RSPO2: variants seen among roughly 807,000 people sequenced by gnomAD.
The protein encoded by RSPO2 is R-spondin 2.
Under a neutral mutation model 30.9 loss-of-function variants are expected in RSPO2, and 14 were observed. That is an observed-to-expected ratio of 0.45 (90% CI 0.30 to 0.71). The LOEUF (loss-of-function observed/expected upper bound fraction) is 0.71, where lower values mean the gene tolerates loss of function less well. RSPO2 is among the 30% of genes least tolerant of loss of function. RSPO2 has a pLI of 0.08. For missense variants in RSPO2, 264 were observed against 301.9 expected, an observed-to-expected ratio of 0.87 and a Z score of 0.93; for synonymous variants, 107 against 96.4, an observed-to-expected ratio of 1.11 and a Z score of -0.64.
chr8:107,973,877 A>G (rs1814109359), intron 3 of RSPO2, among the ~76,000 whole-genome samples: 1 of 152,264 alleles, frequency 6.6e-6, no homozygotes, highest in Non-Finnish European at 1.5e-5. Flanking sequence ...CGCAGATTCT[A>G]CTGTAACTTG....
intron 2 of RSPO2, among the ~76,000 whole-genome samples, chr8:108,071,754 G>A (rs540292420): frequency 2.0e-5 from 3 of 152,314 alleles, no homozygotes; most frequent in African/African-American, 7.2e-5. Flanking sequence ...TCTGAAGAAA[G>A]TGAACCTCTA....
intron 3 of RSPO2, among the ~76,000 whole-genome samples, chr8:107,978,529 T>C (rs1814297448): frequency 6.6e-6 from 1 of 152,022 alleles, no homozygotes; most frequent in Admixed American, 6.6e-5. Flanking sequence ...AAAAATTAAT[T>C]CAAGATGGAT....
At chr8:107,951,215 C>T (rs1271338081) in intron 5 of RSPO2, among the ~76,000 whole-genome samples, 1 of 151,880 alleles carries the variant, frequency 6.6e-6, no homozygotes, top group Non-Finnish European at 1.5e-5. Context: ...ACCACCACAC[C>T]CAGATAATTT....
intron 2 of RSPO2, among the ~76,000 whole-genome samples, chr8:108,022,946 C>A (rs76735965): frequency 6.6e-4 from 88 of 133,698 alleles, no homozygotes; most frequent in African/African-American, 1.3e-3. Flanking sequence ...AAAAAAAAAC[C>A]ACACACACAC....
At chr8:107,940,990 T>C (rs1209532907) in intron 5 of RSPO2, among the ~76,000 whole-genome samples, 2 of 152,138 alleles carry the variant, frequency 1.3e-5, no homozygotes, top group Non-Finnish European at 2.9e-5. Flanking sequence ...TTAATCTCTG[T>C]TGTAGCAGTT....
At chr8:107,913,394 AGACGAGG>A (rs1300942009) in intron 5 of RSPO2, among the ~76,000 whole-genome samples, 1 of 152,184 alleles carries the variant, frequency 6.6e-6, no homozygotes, top group African/African-American at 2.4e-5. Context: ...GTTTGATACA[AGACGAGG>A]ATAACCAATG....
chr8:108,066,207 GTTGATCTCCTCAAATATTTTCC>G (rs772631812), intron 2 of RSPO2, among the ~76,000 whole-genome samples: 10 of 152,102 alleles, frequency 6.6e-5, no homozygotes, highest in Non-Finnish European at 1.3e-4. Context: ...ACAACATCCA[GTTGATCTCCTCAAATATTTTCC>G]TTCCTCTCCT....
intron 2 of RSPO2, among the ~76,000 whole-genome samples, chr8:107,989,741 G>A (rs1351127908): frequency 1.3e-5 from 2 of 152,134 alleles, no homozygotes; most frequent in African/African-American, 4.8e-5. Context: ...CCACAAGGCT[G>A]GGATCCAAAT....
chr8:107,908,045 G>C (rs1362031885), intron 5 of RSPO2, among the ~76,000 whole-genome samples: 1 of 152,064 alleles, frequency 6.6e-6, no homozygotes, highest in Non-Finnish European at 1.5e-5. Flanking sequence ...ACTGTATTCA[G>C]AAAAGCTAAC....
chr8:108,082,320 C>G (rs916306307), intron 2 of RSPO2, among the ~76,000 whole-genome samples: 2 of 152,240 alleles, frequency 1.3e-5, no homozygotes, highest in South Asian at 2.1e-4. Flanking sequence ...CCCGGCTCGC[C>G]GAGCTCCCAG....
intron 2 of RSPO2, among the ~76,000 whole-genome samples, chr8:108,033,097 C>T (rs1054820661): frequency 2.7e-5 from 4 of 150,504 alleles, no homozygotes; most frequent in African/African-American, 9.8e-5. Context: ...TACGGGGTCT[C>T]GCTATGTTAC....
At chr8:107,964,145 G>A (rs759673593) in intron 3 of RSPO2, among the ~76,000 whole-genome samples, 2 of 152,220 alleles carry the variant, frequency 1.3e-5, no homozygotes, top group Non-Finnish European at 2.9e-5. Context: ...TAAAACCAGT[G>A]CAGGTGGCCC....
chr8:107,919,789 G>A (rs952351269), intron 5 of RSPO2, among the ~76,000 whole-genome samples: 40 of 152,078 alleles, frequency 2.6e-4, no homozygotes, highest in Middle Eastern at 3.4e-3. Flanking sequence ...CTGAATGCTC[G>A]GGGAGACTGG....
At chr8:107,952,199 C>T (rs922212856) in intron 5 of RSPO2, among the ~76,000 whole-genome samples, 2 of 151,986 alleles carry the variant, frequency 1.3e-5, no homozygotes, top group African/African-American at 4.8e-5. Context: ...TTGTTTAACA[C>T]CAACTTAATA....
At chr8:107,974,030 C>T (rs561251769) in intron 3 of RSPO2, among the ~76,000 whole-genome samples, 1 of 109,682 alleles carries the variant, frequency 9.1e-6, no homozygotes, top group South Asian at 2.9e-4. Context: ...TGGCTCATTC[C>T]ACATCCTCAA....
chr8:108,011,416 T>C (rs1810709635), intron 2 of RSPO2, among the ~76,000 whole-genome samples: 1 of 152,200 alleles, frequency 6.6e-6, no homozygotes, highest in Non-Finnish European at 1.5e-5. Flanking sequence ...TGAATCAGTT[T>C]TCTTTATTGT....
At chr8:108,015,943 G>A (rs1192513392) in intron 2 of RSPO2, among the ~76,000 whole-genome samples, 1 of 152,208 alleles carries the variant, frequency 6.6e-6, no homozygotes, top group Non-Finnish European at 1.5e-5. Context: ...GTGAGGAAGA[G>A]AGAATGCAGA....
intron 2 of RSPO2, among the ~76,000 whole-genome samples, chr8:108,037,690 A>G (rs1260109002): frequency 1.3e-5 from 2 of 152,212 alleles, no homozygotes; most frequent in Non-Finnish European, 2.9e-5. Context: ...GTTAGGGGCT[A>G]ATGCAGCCAG....
chr8:108,060,939 T>A (rs1812437456), intron 2 of RSPO2, among the ~76,000 whole-genome samples: 1 of 151,682 alleles, frequency 6.6e-6, no homozygotes, highest in African/African-American at 2.4e-5. Flanking sequence ...AAACTAAGCT[T>A]CATAAGTGAA....
Sources: allele counts gnomAD v4.1 joint callset (sites outside exome capture counted in the v4.1 genomes callset), GRCh38; gene constraint gnomAD v4.1.1; transcripts MANE v1.5; gene names NCBI Gene and HGNC (gene_info 2026-07-23, HGNC 2026-07-21).